The following IGFL2 variants were observed in gnomAD, a reference collection of about 807,000 sequenced individuals.
IGFL2 encodes the protein IGF like family member 2.
In IGFL2, 7 loss-of-function variants were observed where a neutral mutation model predicts 13.9. The observed-to-expected ratio is 0.51, with a 90% CI of 0.29 to 0.95. IGFL2 has a LOEUF of 0.95. Ranked by LOEUF, IGFL2 falls within the 40% of genes least tolerant of loss-of-function variation. The pLI is 0.08. For synonymous variants in IGFL2, 55 were observed against 55.8 expected (o/e 0.99, Z 0.07); for missense variants, 138 against 147.8 (o/e 0.93, Z 0.34).
the IGFL2 span, chr19:46,124,258 C>G: frequency 1.2e-6 from 2 of 1,610,216 alleles, no homozygotes; most frequent in East Asian, 2.3e-5. Context: ...TTTCCCTGTC[C>G]TGTCCTTACC....
the IGFL2 span, among the ~76,000 whole-genome samples, chr19:46,215,233 G>A: frequency 6.6e-6 from 1 of 152,098 alleles, no homozygotes; most frequent in Non-Finnish European, 1.5e-5. Flanking sequence ...AATGATTATG[G>A]TGAATTTTAC....
chr19:46,168,612 T>A, the IGFL2 span, among the ~76,000 whole-genome samples: 1 of 152,174 alleles, frequency 6.6e-6, no homozygotes, highest in Non-Finnish European at 1.5e-5. Flanking sequence ...CAGTGCCATT[T>A]CTGTAAACCC....
chr19:46,150,589 T>C (rs1973426704), intron 1 of IGFL2, among the ~76,000 whole-genome samples: 2 of 152,230 alleles, frequency 1.3e-5, no homozygotes, highest in Admixed American at 6.5e-5. Context: ...TTAATTACCA[T>C]ATCTACCACC....
At chr19:46,184,504 T>C in the IGFL2 span, among the ~76,000 whole-genome samples, 3 of 152,072 alleles carry the variant, frequency 2.0e-5, no homozygotes, top group African/African-American at 7.2e-5. Flanking sequence ...CACTTATGAG[T>C]GAGAACATGC....
At chr19:46,168,899 AGTGTGTGTGTGTGTGTATGTGT>A in the IGFL2 span, among the ~76,000 whole-genome samples, 1 of 140,566 alleles carries the variant, frequency 7.1e-6, no homozygotes, top group Admixed American at 7.1e-5. Flanking sequence ...CAGTAGATTG[AGTGTGTGTGTGTGTGTATGTGT>A]GTGTGTGTGT....
At chr19:46,115,607 GA>G in the IGFL2 span, among the ~76,000 whole-genome samples, 17 of 152,116 alleles carry the variant, frequency 1.1e-4, no homozygotes, top group African/African-American at 3.9e-4. Context: ...ACCTCAGGGT[GA>G]ATCTGGTGAC....
chr19:46,122,760 A>G, the IGFL2 span, among the ~76,000 whole-genome samples: 4 of 151,004 alleles, frequency 2.6e-5, no homozygotes, highest in Non-Finnish European at 5.9e-5. Context: ...ATTACCTCTT[A>G]AAACCCCCAA....
At chr19:46,139,329 C>G (rs994095798), upstream of IGFL2, among the ~76,000 whole-genome samples, 4 of 104,070 alleles carry the variant, frequency 3.8e-5, no homozygotes, top group African/African-American at 1.5e-4. Flanking sequence ...AGCTCCTCTC[C>G]CCAATCAAAA....
chr19:46,146,423 G>A (rs187922488), upstream of IGFL2, among the ~76,000 whole-genome samples: 2 of 152,176 alleles, frequency 1.3e-5, no homozygotes, highest in South Asian at 2.1e-4. Flanking sequence ...ATCCAAAATT[G>A]TGTTGGCCAT....
the IGFL2 span, among the ~76,000 whole-genome samples, chr19:46,102,540 A>G: frequency 3.3e-5 from 5 of 152,262 alleles, no homozygotes; most frequent in East Asian, 9.7e-4. Context: ...CACAAAGTAC[A>G]TTATTGCGAG....
the IGFL2 span, among the ~76,000 whole-genome samples, chr19:46,203,884 T>C: frequency 6.6e-6 from 1 of 152,020 alleles, no homozygotes; most frequent in Admixed American, 6.5e-5. Context: ...ACCCAGCTAA[T>C]TTTTGTATTT....
chr19:46,092,797 G>T, the IGFL2 span, among the ~76,000 whole-genome samples: 1 of 151,822 alleles, frequency 6.6e-6, no homozygotes, highest in African/African-American at 2.4e-5. Context: ...CCTAATTTTT[G>T]ACCATTTATT....
intron 1 of IGFL2, among the ~76,000 whole-genome samples, chr19:46,156,415 A>C (rs1486665835): frequency 1.3e-5 from 2 of 152,192 alleles, no homozygotes; most frequent in Admixed American, 1.3e-4. Context: ...AGAGCCGTAA[A>C]ACAAACCTCA....
the IGFL2 span, among the ~76,000 whole-genome samples, chr19:46,105,268 G>A: frequency 2.6e-5 from 4 of 152,334 alleles, no homozygotes; most frequent in South Asian, 8.3e-4. Context: ...AAATATTGAT[G>A]CGTAGTCCTT....
the IGFL2 span, among the ~76,000 whole-genome samples, chr19:46,116,896 TATTAA>T: frequency 6.6e-6 from 1 of 152,222 alleles, no homozygotes; most frequent in African/African-American, 2.4e-5. Context: ...ATTTAACTTA[TATTAA>T]ATTATTTATA....
the IGFL2 span, among the ~76,000 whole-genome samples, chr19:46,183,380 C>T: frequency 2.0e-5 from 3 of 152,118 alleles, no homozygotes; most frequent in South Asian, 6.2e-4. Flanking sequence ...ATTCTCTCTC[C>T]CTCTTTCTCC....
chr19:46,088,560 T>C, the IGFL2 span, among the ~76,000 whole-genome samples: 2 of 152,242 alleles, frequency 1.3e-5, no homozygotes, highest in African/African-American at 4.8e-5. Context: ...ATTAAAACTC[T>C]TCCATTCAGC....
At chr19:46,123,852 T>C in the IGFL2 span, 5 of 1,572,794 alleles carry the variant, frequency 3.2e-6, no homozygotes, top group African/African-American at 6.9e-5. Flanking sequence ...CCCTCCCTCA[T>C]TCCTTTAGTT....
At chr19:46,146,718 C>G (rs1372104103), upstream of IGFL2, among the ~76,000 whole-genome samples, 1 of 151,778 alleles carries the variant, frequency 6.6e-6, no homozygotes, top group Non-Finnish European at 1.5e-5. Flanking sequence ...CATTTTTTTT[C>G]TTTAAATTAT....
Sources: allele counts gnomAD v4.1 joint callset (sites outside exome capture counted in the v4.1 genomes callset), GRCh38; gene constraint gnomAD v4.1.1; transcripts MANE v1.5; gene names NCBI Gene and HGNC (gene_info 2026-07-23, HGNC 2026-07-21).